The following SPIDR variants were observed in gnomAD, a reference collection of about 807,000 sequenced individuals.
The protein encoded by SPIDR is scaffold protein involved in DNA repair.
A neutral mutation model predicts 104.6 loss-of-function variants in SPIDR; 93 were observed. The ratio of observed to expected loss-of-function variants is 0.89; its 90% CI spans 0.75 to 1.06. The LOEUF (loss-of-function observed/expected upper bound fraction) is 1.06. Among genes scored for constraint, SPIDR ranks in the 50% least tolerant of loss-of-function variants. The pLI, the probability that SPIDR is intolerant of heterozygous loss-of-function variation, is 0.00. For missense variants in SPIDR, 1,154 were observed against 1,111.2 expected, an observed-to-expected ratio of 1.04 and a Z score of -0.55; for synonymous variants, 431 against 416.9, an observed-to-expected ratio of 1.03 and a Z score of -0.41.
intron 8 of SPIDR, among the ~76,000 whole-genome samples, chr8:47,453,153 A>G (rs1420342407): frequency 6.6e-6 from 1 of 152,172 alleles, no homozygotes; most frequent in Non-Finnish European, 1.5e-5. Context: ...TCCAACTTAG[A>G]AGGGATGTGA....
At chr8:47,315,173 G>A (rs1289322724) in intron 5 of SPIDR, among the ~76,000 whole-genome samples, 1 of 152,066 alleles carries the variant, frequency 6.6e-6, no homozygotes, top group Admixed American at 6.5e-5. Context: ...CAAAAAATCA[G>A]TTAGAATATA....
intron 5 of SPIDR, among the ~76,000 whole-genome samples, chr8:47,353,799 T>A (rs2154282850): frequency 6.6e-6 from 1 of 152,246 alleles, no homozygotes; most frequent in South Asian, 2.1e-4. Flanking sequence ...GTGACGAAGA[T>A]TGCTGGATTG....
chr8:47,695,677 T>G (rs1459654662), intron 11 of SPIDR, among the ~76,000 whole-genome samples: 1 of 152,214 alleles, frequency 6.6e-6, no homozygotes, highest in East Asian at 1.9e-4. Flanking sequence ...CAAAGAAGAC[T>G]TTCCATGTTT....
rs199612363 is a variant in SPIDR at position 47,727,284 on chromosome 8, C to T, written c.2426C>T (p.Pro809Leu). The T allele has an allele frequency of 2.0e-3, 3,174 of 1,613,940 alleles. 56 individuals carry two copies. The South Asian group carries it at 0.027, about 14-fold the overall frequency. ...MCGNGRLEQR[P>L]EDRGAFSCGD... ...GGCAACGGGAGATTGGAACAGAGGC[C>T]GGAAGACAGGTAAGGGGACAGGAGC... is the stretch of plus-strand genomic sequence containing the variant. Residue 809 changes from proline to leucine, a missense_variant, in exon 17 of 20, where the codon CCG becomes CTG. Pro to Leu is a moderately conservative substitution (Grantham distance 98). Transcript: ENST00000297423.
At chr8:47,707,642 T>C (rs2081276620) in intron 14 of SPIDR, among the ~76,000 whole-genome samples, 1 of 152,226 alleles carries the variant, frequency 6.6e-6, no homozygotes, top group Non-Finnish European at 1.5e-5. Context: ...AGTTTTGTTG[T>C]CAAGTCTAAG....
At chr8:47,484,818 G>A (rs552755612) in intron 8 of SPIDR, among the ~76,000 whole-genome samples, 13 of 152,302 alleles carry the variant, frequency 8.5e-5, no homozygotes, top group East Asian at 1.9e-4. Context: ...ACATTGTGGC[G>A]TTCAAAGGGA....
intron 5 of SPIDR, among the ~76,000 whole-genome samples, chr8:47,324,318 C>T (rs12541086): frequency 0.43 from 64,892 of 151,562 alleles, 15,827 homozygotes; most frequent in African/African-American, 0.67. Flanking sequence ...CCTTCTTTCC[C>T]CTATCCCCCA....
intron 10 of SPIDR, among the ~76,000 whole-genome samples, chr8:47,648,490 A>T (rs1350407085): frequency 6.6e-6 from 1 of 152,210 alleles, no homozygotes; most frequent in Non-Finnish European, 1.5e-5. Context: ...TGGGTGAATG[A>T]ACAGAAGTCA....
intron 7 of SPIDR, among the ~76,000 whole-genome samples, chr8:47,422,546 C>A (rs965046235): frequency 6.6e-6 from 1 of 152,242 alleles, no homozygotes; most frequent in Non-Finnish European, 1.5e-5. Context: ...TCCCTGACCC[C>A]TTGTGCTTCC....
At chr8:47,521,745 C>T (rs2084140507) in intron 8 of SPIDR, among the ~76,000 whole-genome samples, 1 of 151,888 alleles carries the variant, frequency 6.6e-6, no homozygotes, top group South Asian at 2.1e-4. Context: ...TTATTTTCCT[C>T]TACTCAAGAC....
Position 47,599,197 on chromosome 8 carries a change from G to T in SPIDR, c.1544+1G>T. 1 of 1,613,076 alleles carries T rather than the reference G, an allele frequency of 6.2e-7. No individual in the cohort carries two copies. The highest frequency in any genetic ancestry group is 8.5e-7 in the Non-Finnish European group (1 of 1,179,640). On this transcript the variant is annotated splice_donor_variant, in intron 10 of 19. Coordinates refer to ENST00000297423, the MANE Select transcript of SPIDR (RefSeq NM_001080394.4). LOFTEE classifies it high-confidence loss of function. ...GACACACAGACCCAGCTGGAACTCG[G>T]TGAGTGCCAAGATGCTGGTGTGGGG... is the stretch of plus-strand genomic sequence containing the variant.
At chr8:47,727,675 A>T (rs2084478027) in intron 17 of SPIDR, among the ~76,000 whole-genome samples, 1 of 152,238 alleles carries the variant, frequency 6.6e-6, no homozygotes, top group Non-Finnish European at 1.5e-5. Context: ...CAGCTACTGG[A>T]CAGATGTCCC....
chr8:47,468,223 A>T (rs971363417), intron 8 of SPIDR, among the ~76,000 whole-genome samples: 2 of 152,240 alleles, frequency 1.3e-5, no homozygotes, highest in African/African-American at 4.8e-5. Context: ...AAATGGAAAA[A>T]TATTCCATGC....
chr8:47,667,196 G>A (rs569955301), intron 10 of SPIDR, among the ~76,000 whole-genome samples: 56 of 152,062 alleles, frequency 3.7e-4, no homozygotes, highest in African/African-American at 9.9e-4. Context: ...CACAAGAATC[G>A]CTTGAACCTG....
intron 8 of SPIDR, among the ~76,000 whole-genome samples, chr8:47,449,262 T>C (rs1381677383): frequency 1.3e-5 from 2 of 152,160 alleles, no homozygotes; most frequent in Admixed American, 1.3e-4. Flanking sequence ...GATCATGCCA[T>C]GTACTGAAAT....
At chr8:47,706,674 A>G (rs2081141156) in intron 14 of SPIDR, among the ~76,000 whole-genome samples, 1 of 152,124 alleles carries the variant, frequency 6.6e-6, no homozygotes, top group Non-Finnish European at 1.5e-5. Flanking sequence ...CATTATAATT[A>G]TGTTGTCTTA....
chr8:47,650,253 G>C (rs2071372783), intron 10 of SPIDR, among the ~76,000 whole-genome samples: 2 of 152,202 alleles, frequency 1.3e-5, no homozygotes, highest in Non-Finnish European at 2.9e-5. Context: ...AAATTCAGCA[G>C]AGTCTTAGAG....
At chr8:47,420,873 T>G (rs2065311711) in intron 7 of SPIDR, among the ~76,000 whole-genome samples, 1 of 152,244 alleles carries the variant, frequency 6.6e-6, no homozygotes. Flanking sequence ...TTATGAAGCT[T>G]AGTTTGGCTG....
At chr8:47,422,607 G>GCCACTGTCCTGCAC (rs1554681796) in intron 7 of SPIDR, among the ~76,000 whole-genome samples, 1 of 152,196 alleles carries the variant, frequency 6.6e-6, no homozygotes, top group African/African-American at 2.4e-5. Flanking sequence ...TTGTGCTGCA[G>GCCACTGTCCTGCAC]CCACTGTCCT....
Sources: allele counts gnomAD v4.1 joint callset (sites outside exome capture counted in the v4.1 genomes callset), GRCh38; gene constraint gnomAD v4.1.1; transcripts MANE v1.5; gene names NCBI Gene and HGNC (gene_info 2026-07-23, HGNC 2026-07-21).